The following PRPF31 variants were observed in gnomAD, a reference collection of about 807,000 sequenced individuals.
PRPF31 encodes pre-mRNA processing factor 31.
Under a neutral mutation model 60.4 loss-of-function variants are expected in PRPF31, and 12 were observed. The ratio of observed to expected loss-of-function variants is 0.20; its 90% CI spans 0.13 to 0.32. The LOEUF (loss-of-function observed/expected upper bound fraction) is 0.32. Among genes scored for constraint, PRPF31 ranks in the 10% least tolerant of loss-of-function variants. PRPF31 has a pLI of 1.00. For synonymous variants in PRPF31, 287 were observed against 287.9 expected (o/e 1.00, Z 0.03); for missense variants, 431 against 687.1 (o/e 0.63, Z 4.17).
At chr19:54,127,696 T>C (rs2073952689) in intron 9 of PRPF31, among the ~76,000 whole-genome samples, 1 of 152,232 alleles carries the variant, frequency 6.6e-6, no homozygotes. Context: ...TTTTCTGTCT[T>C]GTGAACTGTC....
At chr19:54,120,702 G>C (rs1221319301) in intron 3 of PRPF31, among the ~76,000 whole-genome samples, 1 of 152,194 alleles carries the variant, frequency 6.6e-6, no homozygotes, top group East Asian at 1.9e-4. Context: ...CCTTGACCTT[G>C]TGGGCTCAGG....
chr19:54,130,684 G>C (rs1568602281), intron 13 of PRPF31, among the ~76,000 whole-genome samples: 1 of 152,086 alleles, frequency 6.6e-6, no homozygotes, highest in South Asian at 2.1e-4. Context: ...GGTAGGAGGT[G>C]GGACAGGGGA....
At chr19:54,118,031 A>G (rs1381467930) in intron 1 of PRPF31, among the ~76,000 whole-genome samples, 1 of 152,180 alleles carries the variant, frequency 6.6e-6, no homozygotes, top group Non-Finnish European at 1.5e-5. Context: ...AATCTACACC[A>G]CTTGGTTCCA....
intron 3 of PRPF31, among the ~76,000 whole-genome samples, chr19:54,121,498 G>C (rs1051985455): frequency 1.3e-5 from 2 of 152,100 alleles, no homozygotes; most frequent in African/African-American, 4.8e-5. Context: ...CTGGGTACTC[G>C]GCTGTGGGTA....
chr19:54,123,086 C>T lies in PRPF31; in HGVS notation c.421-368C>T, dbSNP rs587727443. ...CGTGAGGGCGGGGAGAGGAGGAGGTCCCCACGCATGTCCAGGAAAGGATTA... is the reference window on the plus strand; with the variant it reads ...CGTGAGGGCGGGGAGAGGAGGAGGTTCCCACGCATGTCCAGGAAAGGATTA... On this transcript the variant is annotated intron_variant, in intron 5 of 13. Transcript: ENST00000321030. The T allele has an allele frequency of 1.9e-5, 9 of 476,038 alleles. No individual in the cohort carries two copies. In the East Asian group the frequency reaches 3.6e-4, roughly 19 times the overall value. 29.5% of individuals were successfully genotyped at this position (476,038 alleles called of 1,614,324 possible).
At chr19:54,129,234 G>T in intron 12 of PRPF31, 38 bp from the exon 13 acceptor site, 1 of 1,602,654 alleles carries the variant, frequency 6.2e-7, no homozygotes, top group African/African-American at 1.3e-5. Flanking sequence ...CACAAGGTGG[G>T]GGGAGCCCAG....
intron 5 of PRPF31, 88 bp from the exon 6 acceptor site, chr19:54,123,366 G>A (rs1456659147): frequency 2.0e-6 from 2 of 998,874 alleles, no homozygotes; most frequent in African/African-American, 3.2e-5. Flanking sequence ...GTGTCCCTAA[G>A]AAGAGACCTG....
chr19:54,123,647 CACAT>C, intron 6 of PRPF31, 87 bp downstream of exon 6: 2 of 1,595,542 alleles, frequency 1.3e-6, no homozygotes, highest in Non-Finnish European at 1.7e-6. Flanking sequence ...CACGCACACA[CACAT>C]ACACACATGC....
chr19:54,118,230 G>C (rs2073698178), intron 1 of PRPF31, 41 bp from the exon 2 acceptor site: 9 of 1,611,998 alleles, frequency 5.6e-6, no homozygotes, highest in Non-Finnish European at 7.6e-6. Flanking sequence ...GAGGGACTTT[G>C]TCGGGGCAAG....
chr19:54,128,271 G>A (rs199559042), intron 10 of PRPF31, 34 bp from the exon 11 acceptor site: 297 of 1,553,220 alleles, frequency 1.9e-4, no homozygotes, highest in Non-Finnish European at 2.4e-4. Context: ...CCTCCCAGCC[G>A]ACTCCCTGGC....
chr19:54,122,125 G>T, intron 4 of PRPF31, 182 bp downstream of exon 4: 1 of 725,738 alleles, frequency 1.4e-6, no homozygotes. Flanking sequence ...AGTCTGAGGA[G>T]CACTCGGGGA....
intron 4 of PRPF31, chr19:54,122,154 G>A: frequency 1.5e-6 from 1 of 658,472 alleles, no homozygotes; most frequent in Non-Finnish European, 2.7e-6. Context: ...CCGCTTGGCT[G>A]CCTGTAGGGC....
At chr19:54,125,628 G>T (rs1355665759) in intron 8 of PRPF31, among the ~76,000 whole-genome samples, 1 of 152,190 alleles carries the variant, frequency 6.6e-6, no homozygotes, top group African/African-American at 2.4e-5. Flanking sequence ...CAGGGATGGG[G>T]AGAACAATAG....
chr19:54,124,481 C>A lies in PRPF31; in HGVS notation c.698-18C>A. ...TTTCTTCTGACCGCCCCCCCTTCCT[C>A]CCTCCCTCCCACCGCAGGTGTGGCC... On this transcript the variant is annotated intron_variant, in intron 7 of 13. Coordinates refer to ENST00000321030, the MANE Select transcript of PRPF31 (RefSeq NM_015629.4). 1.3e-6 allele frequency: 2 copies of A among 1,499,784 alleles called. No individual in the cohort carries two copies. The highest frequency in any genetic ancestry group is 1.8e-6 in the Non-Finnish European group (2 of 1,108,686). The allele number at this position is 1,499,784 out of a possible 1,614,324, so 92.9% of individuals were successfully genotyped here.
intron 1 of PRPF31, 175 bp from the exon 2 acceptor site, chr19:54,118,096 G>T: frequency 1.1e-6 from 1 of 876,884 alleles, no homozygotes; most frequent in South Asian, 1.4e-5. Context: ...GCACAGGTCG[G>T]AGCTGGAGAC....
At position 54,124,739 on chromosome 19, in the gene PRPF31, A is replaced by G; in HGVS notation, c.855+83A>G. On this transcript the variant is annotated intron_variant, in intron 8 of 13. Transcript: ENST00000321030. ...CAGACAGCCTGAGCAGCCACCCACC[A>G]TCTGGCCCAGCTGACGGTAGCACTC... is the stretch of plus-strand genomic sequence containing the variant. The G allele has an allele frequency of 6.7e-6, 10 of 1,482,766 alleles. No individual in the cohort carries two copies. The South Asian group carries it at 1.1e-4, about 17-fold the overall frequency. 91.9% of individuals were successfully genotyped at this position (1,482,766 alleles called of 1,614,324 possible). A position where few individuals can be genotyped will look rare whatever the true frequency, so the allele number is the denominator to read the frequency against.
intron 3 of PRPF31, among the ~76,000 whole-genome samples, chr19:54,119,321 G>A (rs1402231318): frequency 6.6e-6 from 1 of 151,584 alleles, no homozygotes; most frequent in African/African-American, 2.4e-5. Context: ...GGCGGAGCTT[G>A]CAGTGAGCCG....
intron 1 of PRPF31, among the ~76,000 whole-genome samples, chr19:54,116,024 T>C (rs2073623667): frequency 6.6e-6 from 1 of 151,580 alleles, no homozygotes; most frequent in Non-Finnish European, 1.5e-5. Context: ...TGCCTCAGCC[T>C]CCAGAGTAGC....
Position 54,123,785 on chromosome 19 carries a change from G to A in PRPF31, c.564G>A (p.Glu188=), listed in dbSNP as rs1058572. 0.027 allele frequency: 42,944 copies of A among 1,611,796 alleles called. 695 individuals carry two copies. Among genetic ancestry groups the A allele is most frequent in the Non-Finnish European group, 0.031 (36,308 of 1,179,836 alleles). Residue 188 remains glutamate, a synonymous_variant, in exon 7 of 14, where the codon GAG becomes GAA. Transcript: ENST00000321030. ...CGGAGGAGGAGCTGGAGCGGCTGGA[G>A]GAGGCCTGCGACATGGCGCTGGAGC... ...QLSEEELERL[E]EACDMALELN...
Sources: gnomAD v4.1 joint callset for allele counts (sites outside exome capture counted in the v4.1 genomes callset) on GRCh38, gnomAD v4.1.1 for gene constraint, MANE v1.5 for transcripts, NCBI Gene and HGNC (gene_info 2026-07-23, HGNC 2026-07-21) for gene names.